Variants in SH3RF3 observed in about 807,000 individuals in gnomAD.
SH3RF3 encodes the protein E3 ubiquitin-protein ligase SH3RF3.
SH3RF3 carries 29 observed loss-of-function variants against 66.3 expected under a neutral mutation model. That is an observed-to-expected ratio of 0.44 (90% CI 0.33 to 0.60). The LOEUF is 0.60. Among genes scored for constraint, SH3RF3 ranks in the 20% least tolerant of loss-of-function variants. The pLI is 0.04. For synonymous variants in SH3RF3, 583 were observed against 532.0 expected, an observed-to-expected ratio of 1.10 and a Z score of -1.32; for missense variants, 1,194 against 1,190.9, an observed-to-expected ratio of 1.00 and a Z score of -0.04.
intron 1 of SH3RF3, among the ~76,000 whole-genome samples, chr2:109,252,058 G>A (rs1680105871): frequency 6.7e-6 from 1 of 149,848 alleles, no homozygotes; most frequent in African/African-American, 2.5e-5. Context: ...ATCAGCCTGG[G>A]CAACATATAG....
intron 1 of SH3RF3, among the ~76,000 whole-genome samples, chr2:109,171,635 G>T (rs1000860175): frequency 2.0e-5 from 3 of 152,234 alleles, no homozygotes. Flanking sequence ...GACATTTCCT[G>T]TGCGGGAATG....
At chr2:109,130,626 T>C (rs1676668385) in intron 1 of SH3RF3, among the ~76,000 whole-genome samples, 2 of 152,144 alleles carry the variant, frequency 1.3e-5, no homozygotes, top group African/African-American at 4.8e-5. Context: ...GGAATGCTTC[T>C]AGTAGTCTGG....
intron 1 of SH3RF3, among the ~76,000 whole-genome samples, chr2:109,285,099 T>C (rs1346169935): frequency 2.6e-5 from 4 of 152,220 alleles, no homozygotes; most frequent in Non-Finnish European, 2.9e-5. Context: ...TGTCACCCCT[T>C]AGCCCAGTCT....
At chr2:109,142,330 A>T (rs915054119) in intron 1 of SH3RF3, among the ~76,000 whole-genome samples, 2 of 152,014 alleles carry the variant, frequency 1.3e-5, no homozygotes, top group Non-Finnish European at 2.9e-5. Flanking sequence ...AAAAATTCCC[A>T]TGCATGTTAT....
chr2:109,351,928 G>A (rs1216515868), intron 2 of SH3RF3, among the ~76,000 whole-genome samples: 1 of 152,238 alleles, frequency 6.6e-6, no homozygotes, highest in African/African-American at 2.4e-5. Flanking sequence ...TTACCTTTGT[G>A]AATTAACCTA....
chr2:109,146,020 T>TGTGTGGGCCGACGGAGTCC (rs1324462757), intron 1 of SH3RF3, among the ~76,000 whole-genome samples: 29 of 144,438 alleles, frequency 2.0e-4, no homozygotes, highest in African/African-American at 8.4e-4. Flanking sequence ...TGTCCTTGTC[T>TGTGTGGGCCGACGGAGTCC]ATGTGGGCCG....
chr2:109,412,953 A>T (rs968493679), intron 4 of SH3RF3, among the ~76,000 whole-genome samples: 9 of 151,946 alleles, frequency 5.9e-5, no homozygotes, highest in Non-Finnish European at 1.3e-4. Context: ...AGGCCTGTCC[A>T]TGGAGACCAC....
chr2:109,146,003 G>A (rs1488207753), intron 1 of SH3RF3, among the ~76,000 whole-genome samples: 1 of 148,874 alleles, frequency 6.7e-6, no homozygotes, highest in East Asian at 1.9e-4. Context: ...TGACCTCCCG[G>A]CCGCAGTGTC....
At chr2:109,141,413 C>T (rs928113100) in intron 1 of SH3RF3, 12 of 152,956 alleles carry the variant, frequency 7.8e-5, no homozygotes, top group African/African-American at 2.9e-4. Context: ...ACAGGCTGCC[C>T]TCCGCACCGC....
chr2:109,497,939 G>A lies in SH3RF3; in HGVS notation c.2481-3564G>A, dbSNP rs140920679. On this transcript the variant is annotated intron_variant, in intron 9 of 9. Coordinates refer to ENST00000309415, the MANE Select transcript of SH3RF3 (RefSeq NM_001099289.3). ...CTTGGGGAAGAGAGAGGAGGAGCAG[G>A]TGTTTGGAAGAGGTGGAGGATGGCA... Among the ~76,000 whole-genome samples the A allele has an allele frequency of 1.2e-4, 19 of 152,328 alleles. 1 individual carries two copies. The highest frequency in any genetic ancestry group is 4.4e-5 in the Non-Finnish European group (3 of 68,026).
At chr2:109,167,480 T>G (rs999280839) in intron 1 of SH3RF3, among the ~76,000 whole-genome samples, 6 of 152,202 alleles carry the variant, frequency 3.9e-5, no homozygotes, top group African/African-American at 1.4e-4. Flanking sequence ...AGCTGGTGTC[T>G]TATTCATTAT....
intron 3 of SH3RF3, among the ~76,000 whole-genome samples, chr2:109,384,570 G>A (rs1190078249): frequency 4.6e-5 from 7 of 152,210 alleles, no homozygotes; most frequent in African/African-American, 4.8e-5. Context: ...GAGGACATTG[G>A]CATCTGCTCT....
chr2:109,166,283 C>T (rs1677618471), intron 1 of SH3RF3, among the ~76,000 whole-genome samples: 1 of 151,874 alleles, frequency 6.6e-6, no homozygotes, highest in South Asian at 2.1e-4. Flanking sequence ...TCGAGACCAT[C>T]CTGGCCAACA....
chr2:109,335,618 T>C (rs1195313471), intron 1 of SH3RF3, among the ~76,000 whole-genome samples: 1 of 152,184 alleles, frequency 6.6e-6, no homozygotes, highest in Admixed American at 6.5e-5. Context: ...TCTGACATTC[T>C]CTAGATTTTA....
At chr2:109,256,896 G>A (rs1680234781) in intron 1 of SH3RF3, among the ~76,000 whole-genome samples, 1 of 152,090 alleles carries the variant, frequency 6.6e-6, no homozygotes, top group Non-Finnish European at 1.5e-5. Flanking sequence ...TAATTGAATG[G>A]CATTTTTATG....
At chr2:109,330,683 A>T (rs988398598) in intron 1 of SH3RF3, among the ~76,000 whole-genome samples, 1 of 152,160 alleles carries the variant, frequency 6.6e-6, no homozygotes, top group African/African-American at 2.4e-5. Flanking sequence ...GGATGGATGG[A>T]TGAATGATGG....
chr2:109,269,548 A>C (rs568057529), intron 1 of SH3RF3, among the ~76,000 whole-genome samples: 3 of 152,322 alleles, frequency 2.0e-5, no homozygotes, highest in African/African-American at 7.2e-5. Flanking sequence ...TGGGAGGCCA[A>C]GTCTGGTGGA....
At chr2:109,202,949 T>C (rs1185436001) in intron 1 of SH3RF3, among the ~76,000 whole-genome samples, 1 of 152,162 alleles carries the variant, frequency 6.6e-6, no homozygotes, top group Non-Finnish European at 1.5e-5. Context: ...GCAAACACAA[T>C]GGGAGCTGGT....
chr2:109,474,458 C>T (rs375462809), intron 8 of SH3RF3, among the ~76,000 whole-genome samples: 1 of 152,144 alleles, frequency 6.6e-6, no homozygotes, highest in East Asian at 1.9e-4. Flanking sequence ...TGATGGGAAC[C>T]TAGGTGGTCC....
Sources: gnomAD v4.1 joint callset for allele counts (sites outside exome capture counted in the v4.1 genomes callset) on GRCh38, gnomAD v4.1.1 for gene constraint, MANE v1.5 for transcripts, NCBI Gene and HGNC (gene_info 2026-07-23, HGNC 2026-07-21) for gene names.